The following LRFN5 variants were observed in gnomAD, a reference collection of about 807,000 sequenced individuals.
LRFN5 encodes leucine-rich repeat and fibronectin type-III domain-containing protein 5.
Under a neutral mutation model 45.6 loss-of-function variants are expected in LRFN5, and 24 were observed. The ratio of observed to expected loss-of-function variants is 0.53; its 90% confidence interval spans 0.38 to 0.74. The LOEUF is 0.74. Ranked by LOEUF, LRFN5 falls within the 30% of genes least tolerant of loss-of-function variation. LRFN5 has a pLI of 0.00. For missense variants in LRFN5, 776 were observed against 861.5 expected, an observed-to-expected ratio of 0.90 and a Z score of 1.24; for synonymous variants, 340 against 313.8, an observed-to-expected ratio of 1.08 and a Z score of -0.88.
At chr14:41,852,850 G>A (rs1172382767) in intron 2 of LRFN5, among the ~76,000 whole-genome samples, 2 of 151,888 alleles carry the variant, frequency 1.3e-5, no homozygotes, top group East Asian at 1.9e-4. Context: ...CAGGTACCAT[G>A]AATCTTCTGC....
chr14:41,648,082 G>A (rs1401079083), intron 1 of LRFN5, among the ~76,000 whole-genome samples: 1 of 151,958 alleles, frequency 6.6e-6, no homozygotes, highest in Non-Finnish European at 1.5e-5. Context: ...TATGCTTTTG[G>A]AGGTAACATA....
intron 2 of LRFN5, among the ~76,000 whole-genome samples, chr14:41,775,058 T>C (rs559356460): frequency 2.6e-5 from 4 of 151,272 alleles, no homozygotes; most frequent in East Asian, 4.0e-4. Flanking sequence ...GATTTGACAA[T>C]TGAGGTGAAA....
intron 2 of LRFN5, among the ~76,000 whole-genome samples, chr14:41,847,263 A>T (rs1029970020): frequency 2.0e-5 from 3 of 152,106 alleles, no homozygotes; most frequent in African/African-American, 7.2e-5. Flanking sequence ...AAAAATGTCT[A>T]ATTAAACTTG....
intron 1 of LRFN5, among the ~76,000 whole-genome samples, chr14:41,623,718 T>A (rs1888222015): frequency 6.6e-6 from 1 of 152,106 alleles, no homozygotes; most frequent in South Asian, 2.1e-4. Flanking sequence ...TCAACTTATA[T>A]TATTATTATA....
chr14:41,669,630 C>T (rs1024063324), intron 1 of LRFN5, among the ~76,000 whole-genome samples: 4 of 151,818 alleles, frequency 2.6e-5, no homozygotes, highest in Admixed American at 1.3e-4. Context: ...ATACATTCCA[C>T]ATGTAGGACA....
intron 2 of LRFN5, among the ~76,000 whole-genome samples, chr14:41,827,396 A>G (rs1348285477): frequency 6.6e-6 from 1 of 152,110 alleles, no homozygotes; most frequent in African/African-American, 2.4e-5. Context: ...TGAATGCATA[A>G]GAATAAAGAT....
Position 41,887,819 on chromosome 14 carries a change from A to G in LRFN5, c.1194A>G (p.Ser398=). Residue 398 remains serine, a synonymous_variant, in exon 3 of 6, where the codon TCA becomes TCG. Coordinates refer to ENST00000298119, the MANE Select transcript of LRFN5 (RefSeq NM_152447.5). The surrounding 1 kb of genome is among the most constrained non-coding windows in gnomAD (Gnocchi z 4.8). ...CTGATCCTGGTTCTTCAGATATCTCAACTTCTACCAAGTCAGGTTCTAATA... is the reference window on the plus strand; with the variant it reads ...CTGATCCTGGTTCTTCAGATATCTCGACTTCTACCAAGTCAGGTTCTAATA... ...HEPDPGSSDI[S]TSTKSGSNTS... is the part of the protein sequence containing the mutation. 6.2e-7 allele frequency: 1 copy of G among 1,613,928 alleles called. No individual in the cohort carries two copies. Among genetic ancestry groups the G allele is most frequent in the African/African-American group, 1.3e-5 (1 of 75,036 alleles).
chr14:41,650,799 A>G (rs1555351190), intron 1 of LRFN5, among the ~76,000 whole-genome samples: 3 of 151,850 alleles, frequency 2.0e-5, no homozygotes, highest in Non-Finnish European at 2.9e-5. Flanking sequence ...TTAAACCAAC[A>G]TGTTCACTAA....
intron 1 of LRFN5, among the ~76,000 whole-genome samples, chr14:41,650,840 A>G (rs1358110463): frequency 2.0e-5 from 3 of 149,274 alleles, no homozygotes; most frequent in East Asian, 4.1e-4. Flanking sequence ...GACATGATAG[A>G]CTACACATGT....
intron 1 of LRFN5, among the ~76,000 whole-genome samples, chr14:41,610,602 T>C (rs893113238): frequency 3.9e-5 from 5 of 129,050 alleles, no homozygotes; most frequent in African/African-American, 1.5e-4. Context: ...AACCAAGGAA[T>C]GATACAGAAG....
intron 2 of LRFN5, among the ~76,000 whole-genome samples, chr14:41,790,231 T>A (rs953673158): frequency 6.6e-6 from 1 of 151,990 alleles, no homozygotes; most frequent in Non-Finnish European, 1.5e-5. Flanking sequence ...TATTTACTTA[T>A]GCATAAACAA....
At chr14:41,679,091 A>G (rs547393983) in intron 1 of LRFN5, among the ~76,000 whole-genome samples, 29 of 152,236 alleles carry the variant, frequency 1.9e-4, no homozygotes, top group African/African-American at 7.0e-4. Context: ...CATCAATCCC[A>G]GGGGTTGGAA....
chr14:41,874,799 G>T (rs1890132925), intron 2 of LRFN5, among the ~76,000 whole-genome samples: 1 of 152,206 alleles, frequency 6.6e-6, no homozygotes, highest in Admixed American at 6.5e-5. Flanking sequence ...TCACAGTTTA[G>T]CGGGGCTGGA....
rs1447146447 is a variant in LRFN5 at position 41,838,986 on chromosome 14, T to A, written c.-20-47620T>A. Among the ~76,000 whole-genome samples the A allele has an allele frequency of 2.0e-5, 3 of 152,240 alleles. No individual in the cohort carries two copies. In the East Asian group the frequency reaches 5.8e-4, roughly 29 times the overall value. ...GAGACAGGGATTGGCTATTGGAGAA[T>A]GTCTTTTTGTTGTTGCTTATGTTAT... On this transcript the variant is annotated intron_variant, in intron 2 of 5. Coordinates refer to ENST00000298119, the MANE Select transcript of LRFN5 (RefSeq NM_152447.5).
chr14:41,687,708 G>A (rs1361522717), intron 1 of LRFN5, among the ~76,000 whole-genome samples: 2 of 152,152 alleles, frequency 1.3e-5, no homozygotes, highest in African/African-American at 4.8e-5. Context: ...GAAGCTGGAA[G>A]TCATCATCCT....
intron 1 of LRFN5, among the ~76,000 whole-genome samples, chr14:41,673,701 G>A (rs528911555): frequency 9.2e-4 from 133 of 144,336 alleles, no homozygotes; most frequent in African/African-American, 3.4e-3. Flanking sequence ...CCTGGATGGG[G>A]TGGCTGGCCG....
chr14:41,834,445 C>G (rs1019433208), intron 2 of LRFN5, among the ~76,000 whole-genome samples: 1 of 152,146 alleles, frequency 6.6e-6, no homozygotes, highest in South Asian at 2.1e-4. Context: ...CCCAACTACA[C>G]TTAGGGCATT....
rs147386729 is a variant in LRFN5 at position 41,864,291 on chromosome 14, G to A, written c.-20-22315G>A. The stretch of plus-strand genomic sequence containing the variant: ...GAACTAATTTACACTCCCGCCAACC[G>A]TGTCAAAGTGTTCCTATTTCTCCAA... On this transcript the variant is annotated intron_variant, in intron 2 of 5. Transcript: ENST00000298119. Among the ~76,000 whole-genome samples, 657 of 152,262 alleles carry A rather than the reference G, an allele frequency of 4.3e-3. 4 individuals carry two copies. The highest frequency in any genetic ancestry group is 0.014 in the African/African-American group (569 of 41,546).
chr14:41,883,032 A>T (rs1036680688), intron 2 of LRFN5, among the ~76,000 whole-genome samples: 5 of 151,720 alleles, frequency 3.3e-5, no homozygotes, highest in African/African-American at 1.2e-4. Context: ...TATTTTTAGT[A>T]GAGACGGGGT....
Sources: gnomAD v4.1 joint callset for allele counts (sites outside exome capture counted in the v4.1 genomes callset) on GRCh38, gnomAD v4.1.1 for gene constraint, Gnocchi (gnomAD v3.1) non-coding constraint, MANE v1.5 for transcripts, NCBI Gene and HGNC (gene_info 2026-07-23, HGNC 2026-07-21) for gene names.